OPCML: variants seen among roughly 807,000 people sequenced by gnomAD.
The protein encoded by OPCML is opioid binding protein/cell adhesion molecule like, also known as opioid-binding protein/cell adhesion molecule.
A neutral mutation model predicts 37.8 loss-of-function variants in OPCML; 13 were observed. That is an observed-to-expected ratio of 0.34 (90% confidence interval 0.22 to 0.55). The LOEUF (loss-of-function observed/expected upper bound fraction) is 0.55. OPCML is among the 20% of genes least tolerant of loss of function. The pLI is 0.91. For synonymous variants in OPCML, 176 were observed against 168.8 expected, an observed-to-expected ratio of 1.04 and a Z score of -0.33; for missense variants, 341 against 435.6, an observed-to-expected ratio of 0.78 and a Z score of 1.93.
Position 132,532,725 on chromosome 11 carries a change from C to A in OPCML, c.380-3539G>T, listed in dbSNP as rs1326353454. Reference sequence around the variant, plus strand: ...CCCTCCCAGTACCTGCCATGAGGAACAAAACCATCCCATTCAAGTCAGCGC... The same window carrying A: ...CCCTCCCAGTACCTGCCATGAGGAAAAAAACCATCCCATTCAAGTCAGCGC... On this transcript the variant is annotated intron_variant, in intron 3 of 7. Transcript: ENST00000524381. Among the ~76,000 whole-genome samples the A allele has an allele frequency of 2.0e-5, 3 of 152,292 alleles. No individual in the cohort carries two copies. The East Asian group carries it at 5.8e-4, about 29-fold the overall frequency.
intron 1 of OPCML, among the ~76,000 whole-genome samples, chr11:132,959,548 AGT>A (rs1946046667): frequency 6.6e-6 from 1 of 152,244 alleles, no homozygotes; most frequent in South Asian, 2.1e-4. Context: ...GGAAGGGAAG[AGT>A]GGGGCACAGT....
intron 2 of OPCML, among the ~76,000 whole-genome samples, chr11:132,857,637 G>C (rs563483273): frequency 1.3e-5 from 2 of 152,242 alleles, no homozygotes; most frequent in South Asian, 4.2e-4. Flanking sequence ...TAAGGCTGTA[G>C]CTGCGTTCTA....
intron 2 of OPCML, among the ~76,000 whole-genome samples, chr11:132,881,522 T>C (rs1057110716): frequency 6.6e-6 from 1 of 152,168 alleles, no homozygotes; most frequent in Non-Finnish European, 1.5e-5. Context: ...GCCTCTCTGA[T>C]ACATGGTTAG....
chr11:133,099,681 T>C (rs779014341), intron 1 of OPCML, among the ~76,000 whole-genome samples: 3 of 152,154 alleles, frequency 2.0e-5, no homozygotes, highest in Non-Finnish European at 2.9e-5. Flanking sequence ...ATGCTGAGCA[T>C]TTTTTCATAT....
intron 1 of OPCML, among the ~76,000 whole-genome samples, chr11:133,209,504 GAC>G (rs1357229580): frequency 2.0e-5 from 3 of 152,296 alleles, no homozygotes; most frequent in Non-Finnish European, 4.4e-5. Context: ...GAGTTTGCGA[GAC>G]AACCTATCAT....
intron 1 of OPCML, among the ~76,000 whole-genome samples, chr11:133,323,889 C>T (rs1456777299): frequency 1.3e-5 from 2 of 152,200 alleles, no homozygotes; most frequent in African/African-American, 4.8e-5. Flanking sequence ...GGCAAGTTGG[C>T]TTGGTCTCTC....
chr11:133,021,196 G>A (rs1333711311), intron 1 of OPCML, among the ~76,000 whole-genome samples: 1 of 152,182 alleles, frequency 6.6e-6, no homozygotes, highest in African/African-American at 2.4e-5. Context: ...ATACATACAG[G>A]TAAGAGAATG....
At chr11:133,502,357 C>T (rs369811358) in intron 1 of OPCML, among the ~76,000 whole-genome samples, 6 of 152,194 alleles carry the variant, frequency 3.9e-5, no homozygotes, top group South Asian at 2.1e-4. Flanking sequence ...GGCCAGTGGC[C>T]GAGGCAGGGT....
chr11:132,591,280 G>A (rs909049763), intron 3 of OPCML, among the ~76,000 whole-genome samples: 1 of 152,180 alleles, frequency 6.6e-6, no homozygotes, highest in Non-Finnish European at 1.5e-5. Flanking sequence ...AACCAGGCAG[G>A]TGGCTCTTAA....
At chr11:132,678,441 C>T (rs1377588047) in intron 2 of OPCML, among the ~76,000 whole-genome samples, 1 of 152,200 alleles carries the variant, frequency 6.6e-6, no homozygotes, top group South Asian at 2.1e-4. Flanking sequence ...AAGACCTGCA[C>T]ACAGATGTTT....
At chr11:132,896,560 C>A (rs1263261123) in intron 2 of OPCML, among the ~76,000 whole-genome samples, 1 of 152,238 alleles carries the variant, frequency 6.6e-6, no homozygotes, top group Non-Finnish European at 1.5e-5. Context: ...ATAAGGCCCA[C>A]CTGAGGCACT....
At chr11:132,733,576 C>T (rs567491203) in intron 2 of OPCML, among the ~76,000 whole-genome samples, 18 of 152,214 alleles carry the variant, frequency 1.2e-4, no homozygotes, top group Admixed American at 2.6e-4. Flanking sequence ...AATAATTGTG[C>T]GGCCTTTTGA....
chr11:132,692,206 T>C (rs546383972), intron 2 of OPCML, among the ~76,000 whole-genome samples: 6 of 150,526 alleles, frequency 4.0e-5, no homozygotes, highest in Non-Finnish European at 8.8e-5. Flanking sequence ...CTTTTGCTTC[T>C]CTTCCTGTCA....
At chr11:132,882,874 C>G (rs1943267787) in intron 2 of OPCML, among the ~76,000 whole-genome samples, 2 of 152,134 alleles carry the variant, frequency 1.3e-5, no homozygotes, top group Admixed American at 1.3e-4. Context: ...GTAAAAAACT[C>G]TGAAGATCAA....
chr11:133,051,283 A>G (rs1357955731), intron 1 of OPCML, among the ~76,000 whole-genome samples: 3 of 152,218 alleles, frequency 2.0e-5, no homozygotes, highest in African/African-American at 7.2e-5. Flanking sequence ...TCTGTGAAGT[A>G]GTACTATTTT....
intron 3 of OPCML, among the ~76,000 whole-genome samples, chr11:132,609,663 G>C (rs1211604268): frequency 6.6e-6 from 1 of 152,148 alleles, no homozygotes; most frequent in Non-Finnish European, 1.5e-5. Context: ...ACCCATCCAG[G>C]AAAGCTTTCT....
At chr11:132,556,090 G>A (rs1460404955) in intron 3 of OPCML, among the ~76,000 whole-genome samples, 3 of 151,726 alleles carry the variant, frequency 2.0e-5, no homozygotes, top group Non-Finnish European at 2.9e-5. Context: ...AGGTGTGCAC[G>A]AACACACCCA....
chr11:132,500,409 TA>T, intron 4 of OPCML, among the ~76,000 whole-genome samples: 1 of 152,316 alleles, frequency 6.6e-6, no homozygotes, highest in Middle Eastern at 3.4e-3. Context: ...AGAGGATATG[TA>T]ACTCCTGAAC....
At chr11:132,443,806 C>T (rs566611278) in intron 4 of OPCML, among the ~76,000 whole-genome samples, 1 of 152,292 alleles carries the variant, frequency 6.6e-6, no homozygotes, top group South Asian at 2.1e-4. Flanking sequence ...TACAGACTGT[C>T]AAAAGTTCCT....
Sources: gnomAD v4.1 joint callset for allele counts (sites outside exome capture counted in the v4.1 genomes callset) on GRCh38, gnomAD v4.1.1 for gene constraint, MANE v1.5 for transcripts, NCBI Gene and HGNC (gene_info 2026-07-23, HGNC 2026-07-21) for gene names.